Variants in NAALADL2 observed in about 807,000 individuals in gnomAD.
NAALADL2 encodes the protein N-acetylated alpha-linked acidic dipeptidase like 2, also known as inactive N-acetylated-alpha-linked acidic dipeptidase-like protein 2.
Under a neutral mutation model 87.2 loss-of-function variants are expected in NAALADL2, and 76 were observed. The observed-to-expected ratio is 0.87, with a 90% CI of 0.72 to 1.05. The LOEUF is 1.05. NAALADL2 is among the 50% of genes least tolerant of loss of function. The pLI, the probability that NAALADL2 is intolerant of heterozygous loss-of-function variation, is 0.00. For missense variants in NAALADL2, 1,089 were observed against 945.8 expected (o/e 1.15, Z -1.99); for synonymous variants, 354 against 331.0 (o/e 1.07, Z -0.75).
chr3:174,897,303 C>T (rs1420752844), intron 1 of NAALADL2, among the ~76,000 whole-genome samples: 1 of 151,618 alleles, frequency 6.6e-6, no homozygotes, highest in Non-Finnish European at 1.5e-5. Flanking sequence ...ATATAAGGAG[C>T]TCAAACAACT....
At chr3:174,447,164 A>G (rs563649846) in intron 1 of NAALADL2, among the ~76,000 whole-genome samples, 1 of 152,324 alleles carries the variant, frequency 6.6e-6, no homozygotes, top group Non-Finnish European at 1.5e-5. Context: ...TAATTCCTAC[A>G]TCAGCCCTTT....
intron 3 of NAALADL2, among the ~76,000 whole-genome samples, chr3:175,242,692 T>C (rs1257016595): frequency 3.3e-5 from 5 of 152,220 alleles, no homozygotes; most frequent in African/African-American, 2.4e-5. Flanking sequence ...GTCTCACTAA[T>C]ATAACAAGAA....
At chr3:174,716,004 C>T (rs551284765) in intron 2 of NAALADL2, among the ~76,000 whole-genome samples, 1 of 151,984 alleles carries the variant, frequency 6.6e-6, no homozygotes. Context: ...TTTTGTTCTT[C>T]TCATGTTTGC....
At chr3:175,255,307 T>C (rs1350028016) in intron 3 of NAALADL2, among the ~76,000 whole-genome samples, 2 of 152,238 alleles carry the variant, frequency 1.3e-5, no homozygotes, top group Non-Finnish European at 2.9e-5. Flanking sequence ...TATTCATATG[T>C]TCCTATAGAA....
chr3:175,256,287 G>C (rs2109830130), intron 3 of NAALADL2, 124 bp from the exon 4 acceptor site: 1 of 868,118 alleles, frequency 1.2e-6, no homozygotes. Context: ...CAGGGTAAGA[G>C]ATAGAATTAA....
chr3:175,699,637 T>G (rs1738699494), intron 11 of NAALADL2, among the ~76,000 whole-genome samples: 1 of 152,090 alleles, frequency 6.6e-6, no homozygotes, highest in South Asian at 2.1e-4. Flanking sequence ...TGAACAAGTA[T>G]TAATTAAACA....
At chr3:175,012,996 CAT>C (rs1431793465) in intron 1 of NAALADL2, among the ~76,000 whole-genome samples, 1 of 122,558 alleles carries the variant, frequency 8.2e-6, no homozygotes, top group Non-Finnish European at 1.6e-5. Context: ...AATATATATA[CAT>C]ATATATGTAC....
intron 1 of NAALADL2, among the ~76,000 whole-genome samples, chr3:175,040,856 G>A (rs1207613219): frequency 6.6e-6 from 1 of 151,986 alleles, no homozygotes; most frequent in Non-Finnish European, 1.5e-5. Flanking sequence ...AAGTTATACA[G>A]AACCCCATAT....
intron 5 of NAALADL2, among the ~76,000 whole-genome samples, chr3:175,415,180 T>G (rs1714363799): frequency 6.6e-6 from 1 of 152,188 alleles, no homozygotes; most frequent in Non-Finnish European, 1.5e-5. Flanking sequence ...TTCATATAAT[T>G]GTGTTGAAAT....
intron 9 of NAALADL2, among the ~76,000 whole-genome samples, chr3:175,541,526 CTG>C (rs1712334250): frequency 6.6e-6 from 1 of 152,154 alleles, no homozygotes; most frequent in Non-Finnish European, 1.5e-5. Flanking sequence ...AACAAAATAT[CTG>C]TATGGTTACT....
At chr3:175,367,263 C>A (rs961746262) in intron 5 of NAALADL2, among the ~76,000 whole-genome samples, 2 of 151,840 alleles carry the variant, frequency 1.3e-5, no homozygotes, top group African/African-American at 4.8e-5. Flanking sequence ...GTTACTGTAG[C>A]CTTGTAGTAT....
At chr3:175,301,175 T>C (rs1050844591) in intron 4 of NAALADL2, among the ~76,000 whole-genome samples, 1 of 152,212 alleles carries the variant, frequency 6.6e-6, no homozygotes, top group Non-Finnish European at 1.5e-5. Flanking sequence ...TCTCTAGTTC[T>C]TTATATCTTT....
At position 174,748,035 on chromosome 3, in the gene NAALADL2, A is replaced by G. The variant is rs534852778; in HGVS notation, c.-9+10289A>G. Among the ~76,000 whole-genome samples, 7 of 152,260 alleles carry G rather than the reference A, an allele frequency of 4.6e-5. No homozygotes were observed. In the South Asian group the frequency reaches 1.2e-3, roughly 27 times the overall value. On this transcript the variant is annotated intron_variant, in intron 3 of 3. Coordinates refer to the NAALADL2 transcript ENST00000434257. Reference sequence around the variant, plus strand: ...AAGGACGTGGGTGGAGCTGGAAGCCATTATCCTCAGCAAACTAACACAGGA... The same window carrying G: ...AAGGACGTGGGTGGAGCTGGAAGCCGTTATCCTCAGCAAACTAACACAGGA...
chr3:174,781,195 C>T (rs923511182), intron 3 of NAALADL2, among the ~76,000 whole-genome samples: 4 of 152,104 alleles, frequency 2.6e-5, no homozygotes, highest in African/African-American at 7.2e-5. Context: ...ACCTTTCTCT[C>T]TGGCTGCCAT....
At chr3:175,175,197 G>C (rs183499280) in intron 2 of NAALADL2, among the ~76,000 whole-genome samples, 12 of 152,144 alleles carry the variant, frequency 7.9e-5, no homozygotes, top group Non-Finnish European at 1.6e-4. Flanking sequence ...CCAAGAAAGA[G>C]AGAAATGATC....
intron 2 of NAALADL2, among the ~76,000 whole-genome samples, chr3:174,591,755 G>T (rs1047119819): frequency 1.3e-5 from 2 of 152,130 alleles, no homozygotes; most frequent in African/African-American, 4.8e-5. Context: ...AAGTTAGAAT[G>T]AAATTATAGT....
rs1266664117 is a variant in NAALADL2 at position 174,839,993 on chromosome 3, A to G, written c.-9+102247A>G. ...AACTACCATTTGATCCAGCAATCCC[A>G]CTACTGGGTATCTACCCAGAGGAAA... On this transcript the variant is annotated intron_variant, in intron 3 of 3. Transcript: ENST00000434257. 2.6e-5 allele frequency among the ~76,000 whole-genome samples: 4 copies of G among 152,136 alleles called. No homozygotes were observed. The East Asian group carries it at 7.7e-4, about 29-fold the overall frequency.
rs545632032 is a variant in NAALADL2, at chr3:175,151,622, GAAAC to G, written c.545+54346_545+54349del. 6.3e-3 allele frequency among the ~76,000 whole-genome samples: 952 copies of G among 152,070 alleles called. 14 individuals are homozygous for G. The highest frequency in any genetic ancestry group is 0.022 in the African/African-American group (919 of 41,500). ...CTTCAGCTGAGCATCATAGCAAAAT[GAAAC>G]AAACAAACAAACAACAACAACCAAA... is the stretch of plus-strand genomic sequence containing the variant. On this transcript the variant is annotated intron_variant, in intron 2 of 13. Transcript: ENST00000454872.
chr3:175,719,771 C>T (rs980802049), intron 11 of NAALADL2, among the ~76,000 whole-genome samples: 2 of 152,138 alleles, frequency 1.3e-5, no homozygotes, highest in East Asian at 1.9e-4. Context: ...AACTCAGTAG[C>T]TTATAAACAA....
Sources: allele counts gnomAD v4.1 joint callset (sites outside exome capture counted in the v4.1 genomes callset), GRCh38; gene constraint gnomAD v4.1.1; transcripts MANE v1.5; gene names NCBI Gene and HGNC (gene_info 2026-07-23, HGNC 2026-07-21).